Variants in NRG1 observed in about 807,000 individuals in gnomAD.
NRG1 encodes the protein pro-neuregulin-1, membrane-bound isoform.
A neutral mutation model predicts 63.8 loss-of-function variants in NRG1; 18 were observed. That is an observed-to-expected ratio of 0.28 (90% CI 0.19 to 0.42). The LOEUF (loss-of-function observed/expected upper bound fraction) is 0.42. Among genes scored for constraint, NRG1 ranks in the 10% least tolerant of loss-of-function variants. NRG1 has a pLI of 1.00. For missense variants in NRG1, 762 were observed against 814.7 expected (o/e 0.94, Z 0.79); for synonymous variants, 302 against 301.3 (o/e 1.00, Z -0.02).
intron 1 of NRG1, among the ~76,000 whole-genome samples, chr8:32,094,274 C>T (rs1318831166): frequency 6.6e-6 from 1 of 152,132 alleles, no homozygotes; most frequent in Non-Finnish European, 1.5e-5. Flanking sequence ...TAATACCCTG[C>T]CAACAGCAAG....
chr8:32,564,634 T>C (rs1837096143), intron 1 of NRG1, among the ~76,000 whole-genome samples: 1 of 152,218 alleles, frequency 6.6e-6, no homozygotes, highest in African/African-American at 2.4e-5. Flanking sequence ...GCATACAGTT[T>C]GGTCTAAAAC....
chr8:31,934,560 G>A (rs545342003), intron 1 of NRG1, among the ~76,000 whole-genome samples: 2 of 151,084 alleles, frequency 1.3e-5, no homozygotes, highest in South Asian at 2.1e-4. Context: ...CAAGTAGCTG[G>A]GATTACTTTC....
chr8:32,740,511 T>C lies in NRG1; in HGVS notation c.633-2164T>C, dbSNP rs549445311. On this transcript the variant is annotated intron_variant, in intron 6 of 11. Coordinates refer to ENST00000356819, the Ensembl canonical transcript of NRG1. The stretch of plus-strand genomic sequence containing the variant: ...TGCGCCCGGCCAAGCTTATACTTCT[T>C]ATTGACATGTTTCTCAAGGTAGCTC... 3.9e-5 allele frequency among the ~76,000 whole-genome samples: 6 copies of C among 152,280 alleles called. No homozygotes were observed. In the East Asian group the frequency reaches 1.2e-3, roughly 29 times the overall value.
chr8:32,231,422 G>A (rs551279439), intron 1 of NRG1, among the ~76,000 whole-genome samples: 3 of 151,986 alleles, frequency 2.0e-5, no homozygotes, highest in South Asian at 2.1e-4. Flanking sequence ...TTATTATTCC[G>A]CTTTGTAAGG....
At chr8:31,896,454 C>T (rs1831586470) in intron 1 of NRG1, among the ~76,000 whole-genome samples, 1 of 152,194 alleles carries the variant, frequency 6.6e-6, no homozygotes, top group Non-Finnish European at 1.5e-5. Context: ...GCTTGTGATA[C>T]TCCTGTCATG....
chr8:31,701,740 C>T (rs1389393341), intron 1 of NRG1, among the ~76,000 whole-genome samples: 1 of 152,048 alleles, frequency 6.6e-6, no homozygotes, highest in Non-Finnish European at 1.5e-5. Context: ...TCTCTCTATT[C>T]CAACATAACA....
chr8:32,754,576 T>TAAA, intron 8 of NRG1, 102 bp downstream of exon 8: 1 of 858,100 alleles, frequency 1.2e-6, no homozygotes, highest in Non-Finnish European at 1.7e-6. Context: ...GTCTTGGGGA[T>TAAA]AAAAAAAAAA....
chr8:32,529,311 G>C (rs1831203408), intron 1 of NRG1, among the ~76,000 whole-genome samples: 1 of 152,208 alleles, frequency 6.6e-6, no homozygotes, highest in Non-Finnish European at 1.5e-5. Context: ...TGCAGGACTG[G>C]AAGTTGCTCT....
chr8:31,723,012 T>G (rs1813075688), intron 1 of NRG1, among the ~76,000 whole-genome samples: 1 of 152,194 alleles, frequency 6.6e-6, no homozygotes, highest in Non-Finnish European at 1.5e-5. Flanking sequence ...TATGAAAATA[T>G]TCACAATTGA....
chr8:32,291,533 C>CTTTTTTTTT (rs757839225), intron 1 of NRG1, among the ~76,000 whole-genome samples: 2 of 98,036 alleles, frequency 2.0e-5, no homozygotes, highest in Non-Finnish European at 3.9e-5. Context: ...TTTTTATCCA[C>CTTTTTTTTT]TTTTTTTTTT....
chr8:32,048,309 ATATGTATGTATATACATATGTACATG>A (rs1385263101), intron 1 of NRG1, among the ~76,000 whole-genome samples: 1 of 149,944 alleles, frequency 6.7e-6, no homozygotes, highest in Non-Finnish European at 1.5e-5. Context: ...ATTCATACAT[ATATGTATGTATATACATATGTACATG>A]TATGTATGTA....
At chr8:32,478,087 T>A (rs981219910) in intron 1 of NRG1, among the ~76,000 whole-genome samples, 3 of 152,258 alleles carry the variant, frequency 2.0e-5, no homozygotes, top group African/African-American at 7.2e-5. Flanking sequence ...TTTGAGTGAG[T>A]GTTGCCACTT....
At chr8:32,643,177 A>G (rs193030139) in intron 5 of NRG1, among the ~76,000 whole-genome samples, 2 of 152,328 alleles carry the variant, frequency 1.3e-5, no homozygotes, top group Non-Finnish European at 2.9e-5. Context: ...TTGGCATACT[A>G]GCATTTACTT....
chr8:32,284,566 T>C (rs539149875), intron 1 of NRG1, among the ~76,000 whole-genome samples: 21 of 147,186 alleles, frequency 1.4e-4, no homozygotes, highest in African/African-American at 5.0e-4. Context: ...AATCTCGCTC[T>C]GTCACCCAGG....
In NRG1 at chr8:32,701,067, C is replaced by T. The variant is rs181093369; in HGVS notation, c.503-26882C>T. 1.1e-3 allele frequency among the ~76,000 whole-genome samples: 166 copies of T among 152,260 alleles called. 1 individual carries two copies. Among genetic ancestry groups the T allele is most frequent in the Non-Finnish European group, 5.1e-4 (35 of 68,014 alleles). On this transcript the variant is annotated intron_variant, in intron 5 of 11. Transcript: ENST00000356819. ...TTCAAATTTCAACTCAGTAGTACTT[C>T]CCCTAGAAGCCTTTTGGAACTTTCC... is the stretch of plus-strand genomic sequence containing the variant.
intron 1 of NRG1, among the ~76,000 whole-genome samples, chr8:32,379,789 C>CG (rs762315279): frequency 9.9e-5 from 15 of 152,178 alleles, no homozygotes; most frequent in Non-Finnish European, 1.8e-4. Flanking sequence ...ACTTGAAGCT[C>CG]GATCAACTCC....
At chr8:31,877,947 A>T (rs1013568466) in intron 1 of NRG1, among the ~76,000 whole-genome samples, 3 of 152,190 alleles carry the variant, frequency 2.0e-5, no homozygotes, top group Non-Finnish European at 4.4e-5. Flanking sequence ...ATCGCAGAGT[A>T]CTGTTTTTGC....
intron 1 of NRG1, among the ~76,000 whole-genome samples, chr8:32,381,892 G>T (rs4628225): frequency 0.086 from 13,061 of 152,124 alleles, 645 homozygotes; most frequent in African/African-American, 0.12. Flanking sequence ...AGTAAATATA[G>T]ACAAAATAAT....
intron 1 of NRG1, among the ~76,000 whole-genome samples, chr8:32,316,472 CAAAAAAAA>C (rs60206972): frequency 4.7e-4 from 59 of 125,252 alleles, no homozygotes; most frequent in African/African-American, 1.6e-3. Context: ...GAGACTCCAT[CAAAAAAAA>C]AAAAAAAAAA....
Sources: allele counts gnomAD v4.1 joint callset (sites outside exome capture counted in the v4.1 genomes callset), GRCh38; gene constraint gnomAD v4.1.1; transcripts MANE v1.5; gene names NCBI Gene and HGNC (gene_info 2026-07-23, HGNC 2026-07-21).